The following SATB1 variants were observed in gnomAD, a reference collection of about 807,000 sequenced individuals.
SATB1 encodes the protein SATB homeobox 1, also known as DNA-binding protein SATB1.
Under a neutral mutation model 86.9 loss-of-function variants are expected in SATB1, and 11 were observed. The ratio of observed to expected loss-of-function variants is 0.13; its 90% confidence interval spans 0.08 to 0.21. The LOEUF is 0.21. Among genes scored for constraint, SATB1 ranks in the 10% least tolerant of loss-of-function variants. The pLI is 1.00. For synonymous variants in SATB1, 357 were observed against 357.2 expected (o/e 1.00, Z 0.01); for missense variants, 551 against 937.6 (o/e 0.59, Z 5.39).
At chr3:18,440,766 C>A (rs536561348), upstream of SATB1, among the ~76,000 whole-genome samples, 9 of 151,844 alleles carry the variant, frequency 5.9e-5, no homozygotes, top group Non-Finnish European at 1.3e-4. Flanking sequence ...AAATGTAAAC[C>A]AATTTGTAAA....
intron 8 of SATB1, among the ~76,000 whole-genome samples, chr3:18,381,941 T>G (rs767376111): frequency 7.2e-5 from 11 of 152,188 alleles, no homozygotes; most frequent in Non-Finnish European, 1.5e-4. Flanking sequence ...ATCTAGCCTT[T>G]AAAAGTCTTC....
intron 9 of SATB1, among the ~76,000 whole-genome samples, chr3:18,376,795 C>T (rs749123328): frequency 6.6e-6 from 1 of 152,132 alleles, no homozygotes. Context: ...TGAGAGATTA[C>T]GGTGGCCTGA....
intron 5 of SATB1, chr3:18,410,965 C>G (rs1293885204): frequency 1.5e-5 from 6 of 394,870 alleles, no homozygotes; most frequent in Non-Finnish European, 2.2e-5. Context: ...AGTACTGAAG[C>G]TAAGCTTCAG....
upstream of SATB1, among the ~76,000 whole-genome samples, chr3:18,441,308 C>A (rs920619538): frequency 3.9e-5 from 6 of 152,034 alleles, no homozygotes; most frequent in African/African-American, 1.4e-4. Flanking sequence ...TTCGTGGCAG[C>A]ATTTAAAATA....
Position 18,394,716 on chromosome 3 carries a change from T to G in SATB1, c.952A>C (p.Asn318His). ...VSTPISPQLV[N>H]QQLVMAQLLN... ...AGCTGAGCCATCACCAGCTGCTGGTTGACCAATTGAGGACTGATAGGTGTT... is the reference window on the plus strand; with the variant it reads ...AGCTGAGCCATCACCAGCTGCTGGTGGACCAATTGAGGACTGATAGGTGTT... The change falls in exon 7 of 11, where the codon AAC (asparagine) becomes CAC (histidine). Residue 318 changes from asparagine (N) to histidine (H), a missense_variant. Coordinates refer to ENST00000338745, the MANE Select transcript of SATB1 (RefSeq NM_002971.6). This position sits in a 1 kb window ranked among gnomAD's most constrained non-coding sequence, Gnocchi z 5.9. The G allele has an allele frequency of 6.2e-7, 1 of 1,614,180 alleles. No homozygotes were observed.
intron 5 of SATB1, among the ~76,000 whole-genome samples, chr3:18,399,372 A>G (rs1697131894): frequency 6.6e-6 from 1 of 152,180 alleles, no homozygotes; most frequent in Admixed American, 6.6e-5. Flanking sequence ...CAAGAAGTTT[A>G]CTATCTATTA....
chr3:18,374,386 T>G (rs146154990), intron 9 of SATB1, among the ~76,000 whole-genome samples: 2 of 152,348 alleles, frequency 1.3e-5, no homozygotes, highest in South Asian at 4.1e-4. Context: ...TAGCAAATTC[T>G]GCTCTCATAA....
At chr3:18,371,421 T>G (rs1434097867) in intron 9 of SATB1, among the ~76,000 whole-genome samples, 2 of 152,166 alleles carry the variant, frequency 1.3e-5, no homozygotes, top group East Asian at 1.9e-4. Flanking sequence ...GTCTATGATT[T>G]GTGTCATTCT....
At chr3:18,439,962 A>G (rs1699193803), upstream of SATB1, among the ~76,000 whole-genome samples, 1 of 152,190 alleles carries the variant, frequency 6.6e-6, no homozygotes, top group Non-Finnish European at 1.5e-5. Flanking sequence ...AGTTAAGAAT[A>G]TTTTCAGAGA....
At chr3:18,389,983 T>A (rs1026021088) in intron 7 of SATB1, among the ~76,000 whole-genome samples, 28 of 152,166 alleles carry the variant, frequency 1.8e-4, no homozygotes, top group African/African-American at 6.3e-4. Flanking sequence ...GTTCTAATTT[T>A]TTCAACTAAA....
chr3:18,439,475 G>C (rs1376794759), upstream of SATB1, among the ~76,000 whole-genome samples: 1 of 152,104 alleles, frequency 6.6e-6, no homozygotes, highest in Non-Finnish European at 1.5e-5. Flanking sequence ...ATTGGCATAA[G>C]TTCAAAAGTA....
chr3:18,386,303 C>CTATG lies in SATB1; in HGVS notation c.1419+92_1419+95dup. ...TATACGAATTTAAAAACATATAAATCTATGTATCTATCTATCTAATTTCTT... is the reference window on the plus strand; with the variant it reads ...TATACGAATTTAAAAACATATAAATCTATGTATGTATCTATCTATCTAATTTCTT... On this transcript the variant is annotated intron_variant, in intron 8 of 10. Coordinates refer to ENST00000338745, the MANE Select transcript of SATB1 (RefSeq NM_002971.6). This position sits in a 1 kb window ranked among gnomAD's most constrained non-coding sequence, Gnocchi z 4.5. 1 of 929,804 alleles carries CTATG rather than the reference C, an allele frequency of 1.1e-6. No individual in the cohort carries two copies. The highest frequency in any genetic ancestry group is 1.7e-6 in the Non-Finnish European group (1 of 598,944). 57.6% of individuals were successfully genotyped at this position (929,804 alleles called of 1,614,324 possible).
chr3:18,412,192 A>G (rs917593973), intron 5 of SATB1, among the ~76,000 whole-genome samples: 11 of 152,068 alleles, frequency 7.2e-5, no homozygotes, highest in African/African-American at 2.4e-4. Context: ...CGTGACTTTA[A>G]TCTCCAGGGA....
In SATB1 at chr3:18,348,231, A is replaced by G. The variant is rs1337470352; in HGVS notation, c.*939T>C. ...GTGATCTATTAGTTTTATTTACCTA[A>G]GCTTATTTGCATGATAGTAAAAATT... is the stretch of plus-strand genomic sequence containing the variant. On this transcript the variant is annotated 3_prime_UTR_variant, in exon 11 of 11. Coordinates refer to ENST00000338745, the MANE Select transcript of SATB1 (RefSeq NM_002971.6). 1 of 152,636 alleles carries G rather than the reference A, an allele frequency of 6.6e-6. No individual in the cohort carries two copies. The highest frequency in any genetic ancestry group is 2.4e-5 in the African/African-American group (1 of 41,460). 9.5% of individuals were successfully genotyped at this position (152,636 alleles called of 1,614,324 possible). A position where few individuals can be genotyped will look rare whatever the true frequency, so the allele number is the denominator to read the frequency against.
At position 18,423,979 on chromosome 3, in the gene SATB1, T is replaced by G. The variant is rs1698528086; in HGVS notation, c.-377A>C. 5.4e-5 allele frequency: 8 copies of G among 149,058 alleles called. No individual in the cohort carries two copies. The highest frequency in any genetic ancestry group is 9.9e-5 in the African/African-American group (4 of 40,246). The allele number at this position is 149,058 out of a possible 1,614,324, so 9.2% of individuals were successfully genotyped here. A position where few individuals can be genotyped will look rare whatever the true frequency, so the allele number is the denominator to read the frequency against. On this transcript the variant is annotated 5_prime_UTR_variant, in exon 1 of 11. Transcript: ENST00000338745. ...GTTTGCGATGGGGAGGAGGGGAGAG[T>G]GGGAAGCAGGGAGGAGGAAGAAGAT...
chr3:18,439,674 C>T (rs1402573972), upstream of SATB1, among the ~76,000 whole-genome samples: 2 of 152,048 alleles, frequency 1.3e-5, no homozygotes, highest in Non-Finnish European at 2.9e-5. Context: ...CCATATTCTA[C>T]CCTGATGTCA....
chr3:18,375,933 CTT>C (rs1040468175), intron 9 of SATB1, among the ~76,000 whole-genome samples: 4 of 152,138 alleles, frequency 2.6e-5, no homozygotes, highest in African/African-American at 9.7e-5. Context: ...CTATTGGCCC[CTT>C]TGATTTTCTC....
At chr3:18,435,164 A>G (rs1416411129) in intron 2 of SATB1, 1 of 152,180 alleles carries the variant, frequency 6.6e-6, no homozygotes, top group Non-Finnish European at 1.5e-5. Flanking sequence ...AATATTAATA[A>G]CCTATTCTGT....
chr3:18,364,476 T>C (rs1212121849), intron 9 of SATB1, among the ~76,000 whole-genome samples: 1 of 152,170 alleles, frequency 6.6e-6, no homozygotes, highest in Non-Finnish European at 1.5e-5. Context: ...TTTTTTTTAA[T>C]GGTGACAAAT....
Sources: gnomAD v4.1 joint callset for allele counts (sites outside exome capture counted in the v4.1 genomes callset) on GRCh38, gnomAD v4.1.1 for gene constraint, Gnocchi (gnomAD v3.1) non-coding constraint, MANE v1.5 for transcripts, NCBI Gene and HGNC (gene_info 2026-07-23, HGNC 2026-07-21) for gene names.